Variants in ELOVL5 observed in about 807,000 individuals in gnomAD.
ELOVL5 encodes ELOVL fatty acid elongase 5, also known as very long chain fatty acid elongase 5.
A neutral mutation model predicts 38.6 loss-of-function variants in ELOVL5; 8 were observed. That is an observed-to-expected ratio of 0.21 (90% CI 0.12 to 0.37). The LOEUF is 0.37. ELOVL5 is among the 10% of genes least tolerant of loss of function. The pLI is 1.00. For missense variants in ELOVL5, 280 were observed against 367.8 expected (o/e 0.76, Z 1.95); for synonymous variants, 127 against 133.7 (o/e 0.95, Z 0.34).
At chr6:53,280,752 C>T (rs1164945620) in intron 3 of ELOVL5, among the ~76,000 whole-genome samples, 5 of 152,092 alleles carry the variant, frequency 3.3e-5, no homozygotes, top group Non-Finnish European at 7.3e-5. Flanking sequence ...GCTGTCATGC[C>T]CGGCTAATTT....
chr6:53,296,350 T>G (rs1767003591), intron 1 of ELOVL5, among the ~76,000 whole-genome samples: 1 of 152,216 alleles, frequency 6.6e-6, no homozygotes, highest in Non-Finnish European at 1.5e-5. Context: ...GAGGTCATGC[T>G]AAATGGATGT....
chr6:53,336,037 C>T (rs1769051840), intron 1 of ELOVL5, among the ~76,000 whole-genome samples: 1 of 152,208 alleles, frequency 6.6e-6, no homozygotes, highest in African/African-American at 2.4e-5. Context: ...TACCATTATT[C>T]AAACCACTAT....
chr6:53,303,020 T>C (rs1767322006), intron 1 of ELOVL5, among the ~76,000 whole-genome samples: 1 of 152,226 alleles, frequency 6.6e-6, no homozygotes, highest in Non-Finnish European at 1.5e-5. Flanking sequence ...CCATCACTTT[T>C]ATCAGTCAAC....
intron 3 of ELOVL5, among the ~76,000 whole-genome samples, chr6:53,282,294 C>T (rs557751717): frequency 1.0e-3 from 155 of 152,364 alleles, no homozygotes; most frequent in African/African-American, 3.5e-3. Context: ...AGAGTTAAGT[C>T]CACTTTAGTT....
chr6:53,306,860 G>C (rs533588924), intron 1 of ELOVL5, among the ~76,000 whole-genome samples: 128 of 152,334 alleles, frequency 8.4e-4, no homozygotes, highest in African/African-American at 2.9e-3. Flanking sequence ...TTCACACACA[G>C]AATGCTCCTT....
chr6:53,293,070 T>G (rs1156476470), intron 2 of ELOVL5, among the ~76,000 whole-genome samples: 1 of 152,040 alleles, frequency 6.6e-6, no homozygotes, highest in East Asian at 1.9e-4. Flanking sequence ...AGCCCCTAAG[T>G]GTTATGTGTC....
chr6:53,301,031 G>A (rs980651216), intron 1 of ELOVL5, among the ~76,000 whole-genome samples: 2 of 152,166 alleles, frequency 1.3e-5, no homozygotes, highest in African/African-American at 4.8e-5. Flanking sequence ...GCCCTGTTAA[G>A]TAAATTGGGC....
intron 1 of ELOVL5, among the ~76,000 whole-genome samples, chr6:53,315,361 T>C (rs1178817162): frequency 6.6e-6 from 1 of 152,138 alleles, no homozygotes; most frequent in Non-Finnish European, 1.5e-5. Context: ...GGTTAGGGTT[T>C]CAAAATATGA....
intron 1 of ELOVL5, among the ~76,000 whole-genome samples, chr6:53,348,022 G>GCCCCCCCC (rs35065809): frequency 6.8e-6 from 1 of 146,720 alleles, no homozygotes; most frequent in African/African-American, 2.6e-5. Context: ...GAGCACAACC[G>GCCCCCCCC]CCCCCCCGCC....
chr6:53,324,673 A>AG (rs1768450593), intron 1 of ELOVL5, among the ~76,000 whole-genome samples: 3 of 37,610 alleles, frequency 8.0e-5, no homozygotes, highest in Admixed American at 2.5e-4. Context: ...AGATCCTGTC[A>AG]AAAAAAAAAA....
At chr6:53,294,430 C>T in intron 2 of ELOVL5, 2 of 1,550,674 alleles carry the variant, frequency 1.3e-6, no homozygotes, top group East Asian at 4.9e-5. Context: ...CTTGGAGCTG[C>T]TGTAGCCATC....
intron 1 of ELOVL5, among the ~76,000 whole-genome samples, chr6:53,313,338 T>C (rs1767913661): frequency 6.6e-6 from 1 of 152,038 alleles, no homozygotes. Flanking sequence ...ATTTTCCTTT[T>C]AATACATGGT....
At chr6:53,299,992 T>C (rs552425669) in intron 1 of ELOVL5, among the ~76,000 whole-genome samples, 3 of 152,266 alleles carry the variant, frequency 2.0e-5, no homozygotes, top group African/African-American at 7.2e-5. Flanking sequence ...TTCCTGCTTA[T>C]TGTTTCTGAA....
At chr6:53,334,769 C>T (rs1285754507) in intron 1 of ELOVL5, among the ~76,000 whole-genome samples, 4 of 152,164 alleles carry the variant, frequency 2.6e-5, no homozygotes, top group Middle Eastern at 3.4e-3. Context: ...CTGGTTTTTC[C>T]TTCCAACTCC....
chr6:53,344,957 C>T (rs573228905), intron 1 of ELOVL5, among the ~76,000 whole-genome samples: 10 of 152,294 alleles, frequency 6.6e-5, no homozygotes, highest in East Asian at 5.8e-4. Flanking sequence ...ATCATCCATT[C>T]GGTCCTTAAA....
At chr6:53,348,460 T>C (rs1019183670) in intron 1 of ELOVL5, among the ~76,000 whole-genome samples, 3 of 151,938 alleles carry the variant, frequency 2.0e-5, no homozygotes, top group African/African-American at 7.3e-5. Flanking sequence ...GACAGATCCA[T>C]CCCTCCGCGT....
At chr6:53,333,780 T>C (rs914378095) in intron 1 of ELOVL5, among the ~76,000 whole-genome samples, 1 of 152,234 alleles carries the variant, frequency 6.6e-6, no homozygotes, top group Non-Finnish European at 1.5e-5. Flanking sequence ...AAGTCATTAC[T>C]CTATTAGTCA....
At chr6:53,343,802 T>C (rs1769427856) in intron 1 of ELOVL5, among the ~76,000 whole-genome samples, 1 of 152,192 alleles carries the variant, frequency 6.6e-6, no homozygotes. Context: ...CAAACATGTA[T>C]GTACTTTACT....
chr6:53,284,660 A>G (rs1766495367), intron 3 of ELOVL5, among the ~76,000 whole-genome samples: 1 of 152,242 alleles, frequency 6.6e-6, no homozygotes, highest in African/African-American at 2.4e-5. Flanking sequence ...GGTTTTCTTA[A>G]CTGAGGTCTG....
Sources: allele counts gnomAD v4.1 joint callset (sites outside exome capture counted in the v4.1 genomes callset), GRCh38; gene constraint gnomAD v4.1.1; transcripts MANE v1.5; gene names NCBI Gene and HGNC (gene_info 2026-07-23, HGNC 2026-07-21).